MAPK8: variants seen among roughly 807,000 people sequenced by gnomAD.
The protein encoded by MAPK8 is mitogen-activated protein kinase 8.
Under a neutral mutation model 52.9 loss-of-function variants are expected in MAPK8, and 13 were observed. That is an observed-to-expected ratio of 0.25 (90% CI 0.16 to 0.39). The LOEUF (loss-of-function observed/expected upper bound fraction) is 0.39, where lower values mean the gene tolerates loss of function less well. MAPK8 is among the 10% of genes least tolerant of loss of function. The pLI is 1.00. For missense variants in MAPK8, 300 were observed against 519.2 expected, an observed-to-expected ratio of 0.58 and a Z score of 4.10; for synonymous variants, 191 against 169.8, an observed-to-expected ratio of 1.12 and a Z score of -0.97.
At chr10:48,426,958 G>A in intron 9 of MAPK8, 122 bp from the exon 10 acceptor site, 1 of 664,082 alleles carries the variant, frequency 1.5e-6, no homozygotes, top group South Asian at 1.8e-5. Context: ...GTTGATGATT[G>A]ATCAGTCTTG....
chr10:48,314,580 G>T (rs1342507754), intron 1 of MAPK8, among the ~76,000 whole-genome samples: 1 of 152,166 alleles, frequency 6.6e-6, no homozygotes, highest in Non-Finnish European at 1.5e-5. Context: ...CTAGGCCAGC[G>T]TATGTGCATT....
intron 2 of MAPK8, among the ~76,000 whole-genome samples, chr10:48,404,102 G>T (rs775609417): frequency 6.8e-6 from 1 of 147,826 alleles, no homozygotes; most frequent in Non-Finnish European, 1.5e-5. Context: ...TTATTTTATT[G>T]TGTCCAAAAG....
At position 48,380,857 on chromosome 10, in the gene MAPK8, G is replaced by A. The variant is rs140158924; in HGVS notation, c.-49-20755G>A. On this transcript the variant is annotated intron_variant, in intron 1 of 11. Transcript: ENST00000374189. ...GTCATTTAAACAAAGTGATAAGTCA[G>A]TGATTTTTAAAAAGTCAAAACCTGT... Among the ~76,000 whole-genome samples the A allele has an allele frequency of 1.1e-3, 164 of 152,358 alleles. 3 individuals carry two copies. In the East Asian group the frequency reaches 0.012, roughly 11 times the overall value.
chr10:48,414,568 ATTTTTTT>A lies in MAPK8; in HGVS notation c.450+4420_450+4426del, dbSNP rs3047769. ...TCCTGGGTTCAATAGGTTGAAAAGA[ATTTTTTT>A]TTTTTTTTTTTTTTTTTTTGAGACA... is the stretch of plus-strand genomic sequence containing the variant. On this transcript the variant is annotated intron_variant, in intron 5 of 11. Coordinates refer to ENST00000374189, the MANE Select transcript of MAPK8 (RefSeq NM_001323329.2). Among the ~76,000 whole-genome samples, 63 of 88,452 alleles carry A rather than the reference ATTTTTTT, an allele frequency of 7.1e-4. No individual in the cohort carries two copies. In the East Asian group the frequency reaches 0.012, roughly 17 times the overall value. 58.0% of individuals were successfully genotyped at this position (88,452 alleles called of 152,430 possible). A position where few individuals can be genotyped will look rare whatever the true frequency, so the allele number is the denominator to read the frequency against.
intron 5 of MAPK8, among the ~76,000 whole-genome samples, chr10:48,413,857 A>ATATG (rs1439503845): frequency 1.0e-4 from 13 of 124,560 alleles, no homozygotes; most frequent in African/African-American, 3.6e-4. Flanking sequence ...ATATATATAT[A>ATATG]TATTCAGAAA....
intron 2 of MAPK8, among the ~76,000 whole-genome samples, chr10:48,403,468 A>C (rs1011157899): frequency 1.3e-5 from 2 of 152,154 alleles, no homozygotes; most frequent in Non-Finnish European, 1.5e-5. Flanking sequence ...AAAAAAAAAA[A>C]AAAATCAGAG....
chr10:48,368,879 C>T (rs1848302130), intron 1 of MAPK8, among the ~76,000 whole-genome samples: 1 of 152,136 alleles, frequency 6.6e-6, no homozygotes, highest in Non-Finnish European at 1.5e-5. Flanking sequence ...CTCATGTCTG[C>T]TTCATTGCTC....
intron 1 of MAPK8, among the ~76,000 whole-genome samples, chr10:48,385,155 A>C (rs996286392): frequency 6.6e-6 from 1 of 152,200 alleles, no homozygotes; most frequent in Non-Finnish European, 1.5e-5. Flanking sequence ...CTTCCATAGC[A>C]TGTGGCTTCA....
intron 1 of MAPK8, among the ~76,000 whole-genome samples, chr10:48,379,804 A>G (rs1346285079): frequency 6.6e-6 from 1 of 152,146 alleles, no homozygotes; most frequent in African/African-American, 2.4e-5. Context: ...ACCTAGTCCA[A>G]TGGTATCATC....
intron 5 of MAPK8, among the ~76,000 whole-genome samples, chr10:48,414,465 T>TC (rs1554833128): frequency 5.3e-5 from 8 of 151,020 alleles, no homozygotes; most frequent in African/African-American, 1.2e-4. Flanking sequence ...TTTTTTTTTT[T>TC]CCTGAGAGAC....
chr10:48,430,852 C>T, intron 10 of MAPK8: 1 of 279,424 alleles, frequency 3.6e-6, no homozygotes, highest in Non-Finnish European at 6.7e-6. Context: ...CTCCCTGAGA[C>T]AGATGGTAGT....
intron 1 of MAPK8, among the ~76,000 whole-genome samples, chr10:48,386,435 AG>A (rs749166434): frequency 1.3e-5 from 2 of 152,210 alleles, no homozygotes; most frequent in Non-Finnish European, 2.9e-5. Context: ...ATTCTTACAA[AG>A]TAGATGACCT....
At chr10:48,330,944 C>G (rs888388151) in intron 1 of MAPK8, among the ~76,000 whole-genome samples, 1 of 152,098 alleles carries the variant, frequency 6.6e-6, no homozygotes, top group Non-Finnish European at 1.5e-5. Context: ...ACTGCCAGTA[C>G]TTAGATTTGT....
intron 10 of MAPK8, chr10:48,429,768 T>TTTGGA (rs1364671645): frequency 6.6e-6 from 1 of 152,222 alleles, no homozygotes; most frequent in Non-Finnish European, 1.5e-5. Flanking sequence ...TTGTTGTTCA[T>TTTGGA]TCCAACATAT....
chr10:48,410,388 CTG>C, intron 5 of MAPK8: 1 of 379,100 alleles, frequency 2.6e-6, no homozygotes, highest in Non-Finnish European at 4.7e-6. Flanking sequence ...AGTCTGCTTT[CTG>C]TGTCTATAGA....
At chr10:48,370,569 T>C (rs975792223) in intron 1 of MAPK8, among the ~76,000 whole-genome samples, 16 of 152,150 alleles carry the variant, frequency 1.1e-4, no homozygotes, top group African/African-American at 3.9e-4. Flanking sequence ...AGAGGTCTTA[T>C]GTGCAAAGAA....
chr10:48,432,501 T>G (rs1287635337), intron 11 of MAPK8, among the ~76,000 whole-genome samples: 1 of 152,188 alleles, frequency 6.6e-6, no homozygotes, highest in African/African-American at 2.4e-5. Context: ...TCTCTACAAT[T>G]TACTTATAAC....
At chr10:48,383,277 C>G (rs947940515) in intron 1 of MAPK8, among the ~76,000 whole-genome samples, 3 of 151,966 alleles carry the variant, frequency 2.0e-5, no homozygotes, top group Non-Finnish European at 2.9e-5. Context: ...TCTTGGTAGC[C>G]ACAAATAAGG....
chr10:48,398,714 C>T (rs1589186215), intron 1 of MAPK8, among the ~76,000 whole-genome samples: 1 of 152,266 alleles, frequency 6.6e-6, no homozygotes, highest in East Asian at 1.9e-4. Flanking sequence ...AAAAGGACTC[C>T]AGCATGGATG....
Sources: allele counts gnomAD v4.1 joint callset (sites outside exome capture counted in the v4.1 genomes callset), GRCh38; gene constraint gnomAD v4.1.1; transcripts MANE v1.5; gene names NCBI Gene and HGNC (gene_info 2026-07-23, HGNC 2026-07-21).